PSG1: variants seen among roughly 807,000 people sequenced by gnomAD.
PSG1 encodes pregnancy-specific beta-1-glycoprotein 1.
Under a neutral mutation model 41.4 loss-of-function variants are expected in PSG1, and 60 were observed. That is an observed-to-expected ratio of 1.45 (90% CI 1.18 to 1.80). The LOEUF is 1.80. Ranked by LOEUF, PSG1 falls within the 40% of genes most tolerant of loss-of-function variation. PSG1 has a pLI of 0.00. For synonymous variants in PSG1, 256 were observed against 192.9 expected (o/e 1.33, Z -2.71); for missense variants, 806 against 516.9 (o/e 1.56, Z -5.42).
At chr19:42,867,364 T>C (rs1971174852) in intron 5 of PSG1, 3 of 599,646 alleles carry the variant, frequency 5.0e-6, no homozygotes, top group Non-Finnish European at 3.0e-6. Flanking sequence ...AGAGTAGCAA[T>C]GGACCATGTA....
Position 42,871,842 on chromosome 19 carries a change from C to T in PSG1, c.634G>A (p.Ala212Thr), listed in dbSNP as rs1971400591. 1.2e-6 allele frequency: 2 copies of T among 1,612,566 alleles called. No individual in the cohort carries two copies. Among genetic ancestry groups the T allele is most frequent in the Non-Finnish European group, 1.7e-6 (2 of 1,179,260 alleles). ...CGTATTTCACATTCATAGGGTCCTG[C>T]AGTATACTTTGTGACACCCAATAGA... ...LFLLGVTKYT[A>T]GPYECEIRNP... Residue 212 changes from alanine to threonine, a missense_variant, in exon 3 of 6, where the codon GCA becomes ACA. Ala to Thr is a moderately conservative substitution (Grantham distance 58). Coordinates refer to ENST00000436291, the MANE Select transcript of PSG1 (RefSeq NM_001184825.2).
At chr19:42,872,448 C>A (rs1374297760) in intron 2 of PSG1, among the ~76,000 whole-genome samples, 1 of 151,684 alleles carries the variant, frequency 6.6e-6, no homozygotes, top group Non-Finnish European at 1.5e-5. Context: ...GGTATGTTTT[C>A]TCTGCAGCTT....
At chr19:42,869,415 C>A (rs1381044756) in intron 3 of PSG1, 1 of 306,536 alleles carries the variant, frequency 3.3e-6, no homozygotes, top group Admixed American at 4.6e-5. Context: ...TTCCATCCTA[C>A]TTTGTCCCCC....
At chr19:42,867,474 C>T (rs944365792) in intron 5 of PSG1, 1 of 579,758 alleles carries the variant, frequency 1.7e-6, no homozygotes, top group African/African-American at 1.9e-5. Context: ...CCAAGGCTGA[C>T]TTCAGACTTT....
chr19:42,877,942 A>C lies in PSG1; in HGVS notation c.401T>G (p.Val134Gly), dbSNP rs1058671. 8.7e-6 allele frequency: 14 copies of C among 1,611,672 alleles called. 1 individual carries two copies. Among genetic ancestry groups the C allele is most frequent in the Admixed American group, 1.7e-5 (1 of 59,830 alleles). ...TAAGGTGAAGGTGAAACGTCCAGTTACTCCTCTAGTCCCATCATCTCCCTT... is the reference window on the plus strand; with the variant it reads ...TAAGGTGAAGGTGAAACGTCCAGTTCCTCCTCTAGTCCCATCATCTCCCTT... ...IIKGDDGTRG[V>G]TGRFTFTLHL... Residue 134 changes from valine (V) to glycine (G), a missense_variant, in exon 2 of 6, where the codon GTA becomes GGA. Transcript: ENST00000436291.
chr19:42,867,127 G>A lies in PSG1; in HGVS notation c.*7C>T, dbSNP rs1213372856. On this transcript the variant is annotated 3_prime_UTR_variant, in exon 6 of 6. Coordinates refer to ENST00000436291, the MANE Select transcript of PSG1 (RefSeq NM_001184825.2). Reference sequence around the variant, plus strand: ...GGAGAAAATGGAATTGGAGGTACTAGTAGAATTCAGGGAACTGTCCAGTCT... The same window carrying A: ...GGAGAAAATGGAATTGGAGGTACTAATAGAATTCAGGGAACTGTCCAGTCT... The A allele has an allele frequency of 2.6e-6, 2 of 771,544 alleles. No homozygotes were observed. The highest frequency in any genetic ancestry group is 1.3e-5 in the South Asian group (1 of 74,376). The allele number at this position is 771,544 out of a possible 1,614,324, so 47.8% of individuals were successfully genotyped here. A position where few individuals can be genotyped will look rare whatever the true frequency, so the allele number is the denominator to read the frequency against.
Position 42,872,698 on chromosome 19 carries a change from G to A in PSG1, c.431-653C>T, listed in dbSNP as rs558732973. Among the ~76,000 whole-genome samples, 22 of 151,748 alleles carry A rather than the reference G, an allele frequency of 1.4e-4. 1 individual carries two copies. Among genetic ancestry groups the A allele is most frequent in the African/African-American group, 5.3e-4 (22 of 41,372 alleles). Reference sequence around the variant, plus strand: ...CTCTAAAGATAGAGCAGAGTCCAAGGAATGACCTACAAAGAGTGAAGGGGA... The same window carrying A: ...CTCTAAAGATAGAGCAGAGTCCAAGAAATGACCTACAAAGAGTGAAGGGGA... On this transcript the variant is annotated intron_variant, in intron 2 of 5. Coordinates refer to ENST00000436291, the MANE Select transcript of PSG1 (RefSeq NM_001184825.2).
chr19:42,877,524 G>T (rs1189010232), intron 2 of PSG1, among the ~76,000 whole-genome samples: 5 of 151,760 alleles, frequency 3.3e-5, no homozygotes, highest in Non-Finnish European at 7.4e-5. Flanking sequence ...AGGGTCTGGG[G>T]TTGAGGCTTC....
At chr19:42,874,737 C>T (rs1432695401) in intron 2 of PSG1, among the ~76,000 whole-genome samples, 3 of 151,504 alleles carry the variant, frequency 2.0e-5, no homozygotes, top group African/African-American at 7.3e-5. Flanking sequence ...TTGTTATACG[C>T]CTGTCAGGAA....
rs556278183 is a variant in PSG1, at chr19:42,877,988, A to T, written c.355T>A (p.Ser119Thr). The T allele has an allele frequency of 5.6e-6, 9 of 1,612,368 alleles. No homozygotes were observed. The African/African-American group carries it at 8.0e-5, about 14-fold the overall frequency. The change falls in exon 2 of 6, where the codon TCC (serine) becomes ACC (threonine). Residue 119 changes from serine to threonine, a missense_variant. Transcript: ENST00000436291. Reference sequence around the variant, plus strand: ...CCCTTTATGATGTGTAAGGTGTAGGATCCTGCGTCCTCCCGGGTGACATTC... The same window carrying T: ...CCCTTTATGATGTGTAAGGTGTAGGTTCCTGCGTCCTCCCGGGTGACATTC... ...IQNVTREDAG[S>T]YTLHIIKGDD...
At position 42,868,240 on chromosome 19, in the gene PSG1, A is replaced by T. The variant is rs1971220109; in HGVS notation, c.1104T>A (p.Ile368=). 3.1e-6 allele frequency: 5 copies of T among 1,612,352 alleles called. 1 individual carries two copies. The highest frequency in any genetic ancestry group is 1.7e-6 in the Non-Finnish European group (2 of 1,179,144). The change falls in exon 5 of 6, where the codon ATT becomes ATA. Residue 368 remains isoleucine, a synonymous_variant. Coordinates refer to ENST00000436291, the MANE Select transcript of PSG1 (RefSeq NM_001184825.2). ...SNPPAQYSWT[I]NEKFQLPGQK... ...GTCCTGGTAGCTGAAACTTTTCATT[A>T]ATTGTCCAAGAATACTGTGCCGGTG... is the stretch of plus-strand genomic sequence containing the variant.
chr19:42,871,869 A>T lies in PSG1; in HGVS notation c.607T>A (p.Phe203Ile). Residue 203 changes from phenylalanine (F) to isoleucine (I), a missense_variant, in exon 3 of 6, where the codon TTT (phenylalanine) becomes ATT (isoleucine). Physicochemically the swap from Phe to Ile is conservative, Grantham distance 21. Transcript: ENST00000436291. ...LKLSETNRTL[F>I]LLGVTKYTAG... ...GTATACTTTGTGACACCCAATAGAA[A>T]GAGGGTCCTGTTGGTTTCGGACAGC... 1.2e-6 allele frequency: 2 copies of T among 1,612,570 alleles called. No homozygotes were observed. The highest frequency in any genetic ancestry group is 8.5e-7 in the Non-Finnish European group (1 of 1,179,242).
In PSG1 at chr19:42,868,186, T is replaced by C; in HGVS notation, c.1158A>G (p.Thr386=). 1 of 1,612,358 alleles carries C rather than the reference T, an allele frequency of 6.2e-7. No homozygotes were observed. Among genetic ancestry groups the C allele is most frequent in the Non-Finnish European group, 8.5e-7 (1 of 1,179,092 alleles). Residue 386 remains threonine, a synonymous_variant, in exon 5 of 6, where the codon ACA becomes ACG. Coordinates refer to ENST00000436291, the MANE Select transcript of PSG1 (RefSeq NM_001184825.2). ...AGCAAACATAGAGCCCGCTATGCTT[T>C]GTAGTAATATGGCGGATAAAGAGCT... ...GQKLFIRHIT[T]KHSGLYVCSV...
chr19:42,872,638 C>A (rs1971442315), intron 2 of PSG1, among the ~76,000 whole-genome samples: 1 of 151,512 alleles, frequency 6.6e-6, no homozygotes, highest in Non-Finnish European at 1.5e-5. Flanking sequence ...GGCAGTTTTC[C>A]CAGGTGTCTC....
At chr19:42,875,304 A>C (rs1270896601) in intron 2 of PSG1, among the ~76,000 whole-genome samples, 2 of 151,726 alleles carry the variant, frequency 1.3e-5, no homozygotes, top group African/African-American at 4.8e-5. Context: ...GCCTTTGTAA[A>C]ACTAGTGAAA....
chr19:42,868,288 C>A lies in PSG1; in HGVS notation c.1056G>T (p.Leu352Phe), dbSNP rs188092148. 7 of 1,612,142 alleles carry A rather than the reference C, an allele frequency of 4.3e-6. No homozygotes were observed. The highest frequency in any genetic ancestry group is 1.1e-5 in the South Asian group (1 of 90,796). Reference sequence around the variant, plus strand: ...GTGGGTTAGAGTCCGCAGAACAGGACAAGTAGAGGACTTCTCCTGAACGGT... The same window carrying A: ...GTGGGTTAGAGTCCGCAGAACAGGAAAAGTAGAGGACTTCTCCTGAACGGT... ...TYYRSGEVLY[L>F]SCSADSNPPA... The change falls in exon 5 of 6, where the codon TTG (leucine) becomes TTT (phenylalanine). Residue 352 changes from leucine to phenylalanine, a missense_variant. Coordinates refer to ENST00000436291, the MANE Select transcript of PSG1 (RefSeq NM_001184825.2).
Position 42,866,953 on chromosome 19 carries a change from C to T in PSG1, c.*181G>A, listed in dbSNP as rs368624029. 1 of 747,308 alleles carries T rather than the reference C, an allele frequency of 1.3e-6. No homozygotes were observed. The highest frequency in any genetic ancestry group is 2.5e-5 in the East Asian group (1 of 40,444). The allele number at this position is 747,308 out of a possible 1,614,324, so 46.3% of individuals were successfully genotyped here. On this transcript the variant is annotated 3_prime_UTR_variant, in exon 6 of 6. Coordinates refer to ENST00000436291, the MANE Select transcript of PSG1 (RefSeq NM_001184825.2). ...TTGTCCTGGTTTACAGTTTGAGCAT[C>T]TGTTGTTATGGTGTCGAATATTTTG...
At position 42,868,077 on chromosome 19, in the gene PSG1, C is replaced by T. The variant is rs775085452; in HGVS notation, c.1243+24G>A. Reference sequence around the variant, plus strand: ...ATAGACTCCACCTAAAACCCTATTGCCAACGATGCTGGGATCCACTTACCA... The same window carrying T: ...ATAGACTCCACCTAAAACCCTATTGTCAACGATGCTGGGATCCACTTACCA... On this transcript the variant is annotated intron_variant, in intron 5 of 5. Coordinates refer to ENST00000436291, the MANE Select transcript of PSG1 (RefSeq NM_001184825.2). 6.2e-7 allele frequency: 1 copy of T among 1,612,216 alleles called. No individual in the cohort carries two copies. The highest frequency in any genetic ancestry group is 1.3e-5 in the African/African-American group (1 of 74,782).
At chr19:42,871,618 G>C in intron 3 of PSG1, 149 bp downstream of exon 3, 1 of 1,578,996 alleles carries the variant, frequency 6.3e-7, no homozygotes. Context: ...GGTCTACTCT[G>C]GTTTGCCTGG....
Sources: allele counts gnomAD v4.1 joint callset (sites outside exome capture counted in the v4.1 genomes callset), GRCh38; gene constraint gnomAD v4.1.1; transcripts MANE v1.5; gene names NCBI Gene and HGNC (gene_info 2026-07-23, HGNC 2026-07-21).